Variants in GRID2 observed in about 807,000 individuals in gnomAD.
GRID2 encodes the protein glutamate receptor ionotropic, delta-2.
In GRID2, 33 loss-of-function variants were observed where a neutral mutation model predicts 114.8. The observed-to-expected ratio is 0.29, with a 90% confidence interval of 0.22 to 0.38. The LOEUF (loss-of-function observed/expected upper bound fraction) is 0.38. GRID2 is among the 10% of genes least tolerant of loss of function. GRID2 has a pLI of 1.00. For synonymous variants in GRID2, 505 were observed against 449.9 expected (o/e 1.12, Z -1.55); for missense variants, 1,184 against 1,257.7 (o/e 0.94, Z 0.89).
chr4:93,247,009 T>A (rs1748290944), intron 8 of GRID2, among the ~76,000 whole-genome samples: 1 of 152,104 alleles, frequency 6.6e-6, no homozygotes. Context: ...TAGCAGCTGG[T>A]TGGTTGAGAT....
intron 14 of GRID2, among the ~76,000 whole-genome samples, chr4:93,735,335 A>G (rs146805000): frequency 6.6e-6 from 1 of 152,098 alleles, no homozygotes; most frequent in East Asian, 1.9e-4. Flanking sequence ...CTTTTTTGTC[A>G]TTACCCCTAC....
chr4:92,407,122 A>T (rs1731068097), intron 1 of GRID2, among the ~76,000 whole-genome samples: 1 of 152,004 alleles, frequency 6.6e-6, no homozygotes, highest in Non-Finnish European at 1.5e-5. Context: ...TGCCACTCTT[A>T]AACCATCATA....
intron 8 of GRID2, among the ~76,000 whole-genome samples, chr4:93,362,186 A>G (rs540007840): frequency 1.1e-3 from 165 of 152,192 alleles, no homozygotes; most frequent in African/African-American, 3.9e-3. Context: ...ACTTTTCTCG[A>G]TACTAGATTT....
intron 13 of GRID2, among the ~76,000 whole-genome samples, chr4:93,561,454 T>A (rs1487445061): frequency 6.6e-6 from 1 of 152,086 alleles, no homozygotes; most frequent in African/African-American, 2.4e-5. Context: ...CATTTGCCCC[T>A]AAACATGTAT....
intron 4 of GRID2, among the ~76,000 whole-genome samples, chr4:93,200,906 A>C (rs1441906817): frequency 6.6e-6 from 1 of 152,208 alleles, no homozygotes; most frequent in Non-Finnish European, 1.5e-5. Context: ...CCTAGAGATC[A>C]ATAAGGCACA....
chr4:93,471,112 T>C (rs1225954261), intron 11 of GRID2, among the ~76,000 whole-genome samples: 1 of 152,086 alleles, frequency 6.6e-6, no homozygotes, highest in African/African-American at 2.4e-5. Flanking sequence ...GATATTAAAA[T>C]ATAGATTTAA....
intron 1 of GRID2, among the ~76,000 whole-genome samples, chr4:92,376,303 C>G (rs959887959): frequency 7.9e-5 from 12 of 151,994 alleles, no homozygotes; most frequent in Admixed American, 2.0e-4. Flanking sequence ...CAGCAAGACT[C>G]CATCTCAAAA....
chr4:93,122,890 GTTTTT>G (rs886185779), intron 4 of GRID2, among the ~76,000 whole-genome samples: 7 of 69,804 alleles, frequency 1.0e-4, no homozygotes, highest in East Asian at 4.6e-4. Flanking sequence ...ACAGATGTGG[GTTTTT>G]TTTTTTTTTT....
At chr4:93,332,251 AGTGTGTGT>A (rs3043887) in intron 8 of GRID2, among the ~76,000 whole-genome samples, 2 of 129,954 alleles carry the variant, frequency 1.5e-5, no homozygotes, top group South Asian at 2.7e-4. Context: ...CCAGAAAAAG[AGTGTGTGT>A]GTGTGTGCGT....
At chr4:93,290,334 A>G (rs72874916) in intron 8 of GRID2, among the ~76,000 whole-genome samples, 4,806 of 152,228 alleles carry the variant, frequency 0.032, 269 homozygotes, top group African/African-American at 0.11. Flanking sequence ...CTGGGGTTTT[A>G]GGAGATGATT....
chr4:93,206,910 T>A (rs949262780), intron 4 of GRID2, among the ~76,000 whole-genome samples: 4 of 152,054 alleles, frequency 2.6e-5, no homozygotes, highest in African/African-American at 9.7e-5. Context: ...TTCAGGAGAA[T>A]ACAGAGCAGT....
intron 2 of GRID2, among the ~76,000 whole-genome samples, chr4:92,632,645 G>T (rs898790605): frequency 2.0e-5 from 3 of 151,274 alleles, no homozygotes; most frequent in Non-Finnish European, 4.4e-5. Context: ...AGAAAGAAAA[G>T]AAAGGAAAGG....
chr4:92,860,653 G>C (rs977117184), intron 2 of GRID2, among the ~76,000 whole-genome samples: 1 of 152,122 alleles, frequency 6.6e-6, no homozygotes, highest in African/African-American at 2.4e-5. Flanking sequence ...AGTTGAAAAT[G>C]AGAGGAAAAG....
chr4:92,688,086 G>A lies in GRID2; in HGVS notation c.244+97800G>A, dbSNP rs199641440. Among the ~76,000 whole-genome samples, 617 of 102,856 alleles carry A rather than the reference G, an allele frequency of 6.0e-3. 5 individuals carry two copies. The highest frequency in any genetic ancestry group is 9.3e-3 in the Non-Finnish European group (523 of 56,202). 67.5% of individuals were successfully genotyped at this position (102,856 alleles called of 152,430 possible). A position where few individuals can be genotyped will look rare whatever the true frequency, so the allele number is the denominator to read the frequency against. The stretch of plus-strand genomic sequence containing the variant: ...TTTTTTGGGATGGAGTTTCGCTCTC[G>A]TTGCCCAGGCTGGAGCACAGTGGTG... On this transcript the variant is annotated intron_variant, in intron 2 of 15. Transcript: ENST00000282020.
At chr4:92,673,817 C>G (rs1733193208) in intron 2 of GRID2, among the ~76,000 whole-genome samples, 1 of 151,668 alleles carries the variant, frequency 6.6e-6, no homozygotes. Context: ...ACACCAGGGC[C>G]TGTCATGGGG....
At chr4:93,163,151 A>G (rs1030235072) in intron 4 of GRID2, among the ~76,000 whole-genome samples, 1 of 151,638 alleles carries the variant, frequency 6.6e-6, no homozygotes, top group Admixed American at 6.6e-5. Context: ...CTTAGAATTA[A>G]TATTAACATT....
intron 2 of GRID2, among the ~76,000 whole-genome samples, chr4:92,658,512 G>A (rs1732356437): frequency 6.6e-6 from 1 of 151,670 alleles, no homozygotes; most frequent in Admixed American, 6.6e-5. Context: ...ATTTGTGTTT[G>A]GAAGAGCTAA....
intron 8 of GRID2, among the ~76,000 whole-genome samples, chr4:93,369,521 G>T (rs1285167667): frequency 6.6e-6 from 1 of 152,128 alleles, no homozygotes; most frequent in African/African-American, 2.4e-5. Context: ...ACAGGGTCTT[G>T]CTCTGTTGTC....
chr4:92,935,328 C>T (rs1161804867), intron 2 of GRID2, among the ~76,000 whole-genome samples: 2 of 147,198 alleles, frequency 1.4e-5, no homozygotes, highest in Non-Finnish European at 3.0e-5. Context: ...ATCAAAACCA[C>T]AATGAGATAC....
Sources: gnomAD v4.1 joint callset for allele counts (sites outside exome capture counted in the v4.1 genomes callset) on GRCh38, gnomAD v4.1.1 for gene constraint, MANE v1.5 for transcripts, NCBI Gene and HGNC (gene_info 2026-07-23, HGNC 2026-07-21) for gene names.